The following TRABD2B variants were observed in gnomAD, a reference collection of about 807,000 sequenced individuals.
The protein encoded by TRABD2B is metalloprotease TIKI2.
In TRABD2B, 14 loss-of-function variants were observed where a neutral mutation model predicts 40.1. The ratio of observed to expected loss-of-function variants is 0.35; its 90% CI spans 0.23 to 0.55. The LOEUF is 0.55. TRABD2B is among the 20% of genes least tolerant of loss of function. The probability of loss-of-function intolerance (pLI) is 0.90; values close to 1 mark genes in which losing one functional copy is unlikely to be tolerated. For synonymous variants in TRABD2B, 263 were observed against 277.0 expected (o/e 0.95, Z 0.50); for missense variants, 541 against 648.6 (o/e 0.83, Z 1.80).
intron 2 of TRABD2B, among the ~76,000 whole-genome samples, chr1:47,920,884 GAAGGGGCTTTCTC>G (rs985523114): frequency 6.6e-6 from 1 of 152,200 alleles, no homozygotes; most frequent in Non-Finnish European, 1.5e-5. Flanking sequence ...CTGGCAAGGG[GAAGGGGCTTTCTC>G]AAGGTCATAC....
At chr1:47,773,027 C>T (rs576426045) in intron 6 of TRABD2B, among the ~76,000 whole-genome samples, 4 of 152,318 alleles carry the variant, frequency 2.6e-5, no homozygotes, top group East Asian at 1.9e-4. Flanking sequence ...AGAAGGAAGC[C>T]GTTTGGAGTC....
chr1:47,974,092 G>A (rs1408297556), intron 2 of TRABD2B, among the ~76,000 whole-genome samples: 1 of 152,128 alleles, frequency 6.6e-6, no homozygotes, highest in Non-Finnish European at 1.5e-5. Flanking sequence ...CTAGGGAACA[G>A]AGTAAGATTC....
intron 2 of TRABD2B, among the ~76,000 whole-genome samples, chr1:47,826,305 A>G (rs1645173119): frequency 6.6e-6 from 1 of 152,172 alleles, no homozygotes; most frequent in African/African-American, 2.4e-5. Flanking sequence ...ATGACATATA[A>G]TTTATTTAAT....
intron 2 of TRABD2B, among the ~76,000 whole-genome samples, chr1:47,961,547 G>C (rs962802356): frequency 6.6e-5 from 10 of 152,152 alleles, no homozygotes; most frequent in African/African-American, 2.4e-4. Flanking sequence ...CAAAAAGTGG[G>C]CAAAGGATAT....
chr1:47,820,510 A>G (rs1268299581), intron 2 of TRABD2B, among the ~76,000 whole-genome samples: 2 of 152,232 alleles, frequency 1.3e-5, no homozygotes, highest in African/African-American at 2.4e-5. Context: ...GTGAGGTACC[A>G]GGAAAATGCG....
intron 2 of TRABD2B, among the ~76,000 whole-genome samples, chr1:47,836,027 A>G (rs1645313858): frequency 6.6e-6 from 1 of 152,248 alleles, no homozygotes; most frequent in Admixed American, 6.5e-5. Flanking sequence ...ATAATGGCAC[A>G]AAGGAGGAGG....
rs74071804 is a variant in TRABD2B, at chr1:47,886,159, T to C, written c.667-84540A>G. On this transcript the variant is annotated intron_variant, in intron 2 of 6. Coordinates refer to ENST00000606738, the MANE Select transcript of TRABD2B (RefSeq NM_001194986.2). The stretch of plus-strand genomic sequence containing the variant: ...TCCTTCCATCCTCACCCAAACCTGG[T>C]TCATTGTCTAACCCATCAGTTCAAA... Among the ~76,000 whole-genome samples the C allele has an allele frequency of 1.6e-3, 244 of 152,180 alleles. 1 individual carries two copies. The highest frequency in any genetic ancestry group is 5.8e-3 in the African/African-American group (239 of 41,508).
At chr1:47,919,308 G>A (rs114297494) in intron 2 of TRABD2B, among the ~76,000 whole-genome samples, 2,596 of 152,334 alleles carry the variant, frequency 0.017, 76 homozygotes, top group African/African-American at 0.059. Context: ...AACTGCATGC[G>A]CTCAGCCCTC....
intron 2 of TRABD2B, among the ~76,000 whole-genome samples, chr1:47,826,304 A>C (rs1570056328): frequency 1.3e-5 from 2 of 152,158 alleles, no homozygotes; most frequent in East Asian, 1.9e-4. Flanking sequence ...CATGACATAT[A>C]ATTTATTTAA....
At chr1:47,774,995 G>A (rs753853534) in intron 6 of TRABD2B, among the ~76,000 whole-genome samples, 175 bp downstream of exon 6, 4 of 152,210 alleles carry the variant, frequency 2.6e-5, no homozygotes, top group Admixed American at 1.3e-4. Flanking sequence ...AATTGCTTTT[G>A]TTTTGAGAAT....
chr1:47,838,327 A>C (rs374285765), intron 2 of TRABD2B, among the ~76,000 whole-genome samples: 51 of 152,308 alleles, frequency 3.3e-4, no homozygotes, highest in South Asian at 1.0e-3. Flanking sequence ...GGGAAGGCTG[A>C]GGCTTGAGAT....
chr1:47,849,121 C>T lies in TRABD2B; in HGVS notation c.667-47502G>A, dbSNP rs115969571. 5.4e-3 allele frequency among the ~76,000 whole-genome samples: 818 copies of T among 152,284 alleles called. 11 individuals are homozygous for T. The highest frequency in any genetic ancestry group is 0.019 in the African/African-American group (783 of 41,548). On this transcript the variant is annotated intron_variant, in intron 2 of 6. Coordinates refer to ENST00000606738, the MANE Select transcript of TRABD2B (RefSeq NM_001194986.2). Reference sequence around the variant, plus strand: ...TGATAAGGCTGAATTGTGTCCTACTCCCTCCTAATTCATATGGTGAAGCTC... The same window carrying T: ...TGATAAGGCTGAATTGTGTCCTACTTCCTCCTAATTCATATGGTGAAGCTC...
rs1557587690 is a variant in TRABD2B at position 47,813,809 on chromosome 1, CG to C, written c.667-12191del. On this transcript the variant is annotated intron_variant, in intron 2 of 6. Transcript: ENST00000606738. This position sits in a 1 kb window ranked among gnomAD's most constrained non-coding sequence, Gnocchi z 4.3. Reference sequence around the variant, plus strand: ...ATTCTGCATATGTGGATGAGATTTCCGTTCTCTCTTCAGTCTTCAGTATGGA... The same window carrying C: ...ATTCTGCATATGTGGATGAGATTTCCTTCTCTCTTCAGTCTTCAGTATGGA... Among the ~76,000 whole-genome samples the C allele has an allele frequency of 2.0e-5, 3 of 152,192 alleles. No individual in the cohort carries two copies. The highest frequency in any genetic ancestry group is 4.4e-5 in the Non-Finnish European group (3 of 68,042).
At chr1:47,886,722 C>T (rs1198857580) in intron 2 of TRABD2B, among the ~76,000 whole-genome samples, 2 of 152,144 alleles carry the variant, frequency 1.3e-5, no homozygotes, top group Non-Finnish European at 2.9e-5. Context: ...ACTGCCAGGC[C>T]CTGTGTTAGG....
At chr1:47,974,296 C>T (rs1057143342) in intron 2 of TRABD2B, among the ~76,000 whole-genome samples, 3 of 152,114 alleles carry the variant, frequency 2.0e-5, no homozygotes, top group Non-Finnish European at 4.4e-5. Flanking sequence ...CTTTCTGTCC[C>T]TTAAGCAGCC....
intron 2 of TRABD2B, among the ~76,000 whole-genome samples, chr1:47,905,089 G>A (rs1644657893): frequency 6.6e-6 from 1 of 152,122 alleles, no homozygotes. Context: ...AGGAGACAGG[G>A]AACAAGTAAC....
intron 2 of TRABD2B, among the ~76,000 whole-genome samples, chr1:47,933,908 T>C (rs934821322): frequency 4.6e-5 from 7 of 152,238 alleles, no homozygotes; most frequent in South Asian, 2.1e-4. Context: ...TTTGTGGTTA[T>C]TGAGCCCTTG....
intron 2 of TRABD2B, among the ~76,000 whole-genome samples, chr1:47,935,976 T>A (rs559546144): frequency 6.6e-6 from 1 of 152,326 alleles, no homozygotes; most frequent in East Asian, 1.9e-4. Flanking sequence ...TCTCTGAGAC[T>A]CAAATGTAAA....
chr1:47,989,301 C>T (rs1645966053), intron 2 of TRABD2B, among the ~76,000 whole-genome samples: 1 of 152,196 alleles, frequency 6.6e-6, no homozygotes, highest in Non-Finnish European at 1.5e-5. Context: ...AAGGGGGCTC[C>T]TTGCTGTGAT....
Sources: allele counts gnomAD v4.1 joint callset (sites outside exome capture counted in the v4.1 genomes callset), GRCh38; gene constraint gnomAD v4.1.1; non-coding constraint Gnocchi (gnomAD v3.1); transcripts MANE v1.5; gene names NCBI Gene and HGNC (gene_info 2026-07-23, HGNC 2026-07-21).